Variants in BLTP1 observed in about 807,000 individuals in gnomAD.
BLTP1 encodes the protein fragile site-associated protein.
chr4:122,337,566 G>A, the BLTP1 span, among the ~76,000 whole-genome samples: 1 of 151,764 alleles, frequency 6.6e-6, no homozygotes, highest in Non-Finnish European at 1.5e-5. Context: ...AGATCTTTGG[G>A]TTTTCAAAAA....
the BLTP1 span, among the ~76,000 whole-genome samples, chr4:122,190,823 A>G: frequency 2.0e-5 from 3 of 152,158 alleles, no homozygotes; most frequent in African/African-American, 7.2e-5. Flanking sequence ...TTGGGTTTTA[A>G]GCTCTTTTTT....
chr4:122,192,687 C>G, the BLTP1 span, among the ~76,000 whole-genome samples: 1 of 152,008 alleles, frequency 6.6e-6, no homozygotes, highest in Admixed American at 6.5e-5. Flanking sequence ...ACGATTTCTT[C>G]ATTGATCCCC....
At chr4:122,162,715 T>A in the BLTP1 span, 1 of 936,426 alleles carries the variant, frequency 1.1e-6, no homozygotes, top group Non-Finnish European at 1.3e-6. Context: ...TAGAAGGTAA[T>A]GGGGTTATAA....
chr4:122,323,623 A>T, the BLTP1 span, among the ~76,000 whole-genome samples: 1 of 152,062 alleles, frequency 6.6e-6, no homozygotes, highest in South Asian at 2.1e-4. Flanking sequence ...TAGTTTGAAT[A>T]CTGCTCTCCA....
At chr4:122,354,895 G>C in the BLTP1 span, among the ~76,000 whole-genome samples, 1 of 151,920 alleles carries the variant, frequency 6.6e-6, no homozygotes, top group East Asian at 1.9e-4. Context: ...TCGAACTCCT[G>C]ACCTCGTGAT....
At chr4:122,211,120 A>G in the BLTP1 span, 1 of 1,562,570 alleles carries the variant, frequency 6.4e-7, no homozygotes, top group Non-Finnish European at 8.8e-7. Context: ...AACAACTTAC[A>G]TACTTTTAAA....
At chr4:122,306,094 G>T in the BLTP1 span, 1 of 1,512,986 alleles carries the variant, frequency 6.6e-7, no homozygotes, top group Non-Finnish European at 8.8e-7. Context: ...GGAATGCTTT[G>T]TTAATGCTAG....
At chr4:122,255,637 ACT>A in the BLTP1 span, among the ~76,000 whole-genome samples, 1 of 151,946 alleles carries the variant, frequency 6.6e-6, no homozygotes, top group Non-Finnish European at 1.5e-5. Context: ...CAAGAGCAAA[ACT>A]CTGTCTCAAG....
At chr4:122,291,825 T>C in the BLTP1 span, 1 of 979,758 alleles carries the variant, frequency 1.0e-6, no homozygotes, top group Non-Finnish European at 1.2e-6. Flanking sequence ...GCTAAAATTA[T>C]TGTTTAGTAT....
At chr4:122,285,115 A>G in the BLTP1 span, among the ~76,000 whole-genome samples, 1 of 152,158 alleles carries the variant, frequency 6.6e-6, no homozygotes, top group Non-Finnish European at 1.5e-5. Flanking sequence ...TCACTTATTC[A>G]GGGCACCCAT....
At chr4:122,192,850 C>T in the BLTP1 span, among the ~76,000 whole-genome samples, 2 of 152,134 alleles carry the variant, frequency 1.3e-5, no homozygotes, top group African/African-American at 4.8e-5. Context: ...TAGAAAAGTA[C>T]TCTACTAGTT....
At chr4:122,355,436 A>G in the BLTP1 span, among the ~76,000 whole-genome samples, 1 of 151,818 alleles carries the variant, frequency 6.6e-6, no homozygotes, top group Non-Finnish European at 1.5e-5. Context: ...TCAGTTGAGA[A>G]TAATATTCAT....
chr4:122,183,561 TA>T, the BLTP1 span: 4 of 972,940 alleles, frequency 4.1e-6, no homozygotes, highest in African/African-American at 5.3e-5. Context: ...GGGCCCCAGT[TA>T]ACAAGGCTGT....
chr4:122,219,846 A>G, the BLTP1 span, among the ~76,000 whole-genome samples: 3 of 152,162 alleles, frequency 2.0e-5, no homozygotes, highest in African/African-American at 4.8e-5. Context: ...TGTTGGGTTT[A>G]TAATTAACCT....
At chr4:122,161,239 T>G in the BLTP1 span, 1 of 438,304 alleles carries the variant, frequency 2.3e-6, no homozygotes, top group Non-Finnish European at 3.0e-6. Context: ...CATTGTTGCA[T>G]GAGGGATTTG....
the BLTP1 span, chr4:122,315,717 A>T: frequency 6.2e-7 from 1 of 1,608,888 alleles, no homozygotes; most frequent in Admixed American, 1.7e-5. Flanking sequence ...AGAATTTTTC[A>T]GGATTGGCTT....
At chr4:122,304,135 AT>A in the BLTP1 span, among the ~76,000 whole-genome samples, 4 of 152,180 alleles carry the variant, frequency 2.6e-5, no homozygotes, top group South Asian at 8.3e-4. Flanking sequence ...AGCCATCAAC[AT>A]CAAGGCAAGA....
chr4:122,207,529 T>G, the BLTP1 span: 1 of 1,551,864 alleles, frequency 6.4e-7, no homozygotes, highest in South Asian at 1.2e-5. Context: ...TTTTTTTTTT[T>G]TTCTTTTGTA....
chr4:122,361,114 G>A, the BLTP1 span, among the ~76,000 whole-genome samples: 4 of 152,102 alleles, frequency 2.6e-5, no homozygotes, highest in East Asian at 1.9e-4. Flanking sequence ...ATGAATTAAC[G>A]CAAAATGCTT....
Sources: gnomAD v4.1 joint callset for allele counts (sites outside exome capture counted in the v4.1 genomes callset) on GRCh38, gnomAD v4.1.1 for gene constraint, MANE v1.5 for transcripts, NCBI Gene and HGNC (gene_info 2026-07-23, HGNC 2026-07-21) for gene names.